Variants in BCL11A observed in about 807,000 individuals in gnomAD.
BCL11A encodes the protein BCL11 transcription factor A.
Under a neutral mutation model 55.9 loss-of-function variants are expected in BCL11A, and 2 were observed. That is an observed-to-expected ratio of 0.04 (90% CI 0.01 to 0.11). The LOEUF (loss-of-function observed/expected upper bound fraction) is 0.11. BCL11A is among the 10% of genes least tolerant of loss of function. BCL11A has a pLI of 1.00. For missense variants in BCL11A, 817 were observed against 1,137.1 expected (o/e 0.72, Z 4.05); for synonymous variants, 465 against 473.4 (o/e 0.98, Z 0.23).
At chr2:60,511,534 C>CT (rs1220286575) in intron 2 of BCL11A, among the ~76,000 whole-genome samples, 138 of 151,786 alleles carry the variant, frequency 9.1e-4, no homozygotes, top group African/African-American at 3.2e-3. Flanking sequence ...TCTGACAGTT[C>CT]TTTTTTTTTC....
chr2:60,454,143 C>A (rs141099419), downstream of BCL11A, among the ~76,000 whole-genome samples: 1 of 152,190 alleles, frequency 6.6e-6, no homozygotes, highest in East Asian at 1.9e-4. Context: ...AATGGGATAA[C>A]GAGATGCCAG....
intron 2 of BCL11A, among the ~76,000 whole-genome samples, chr2:60,513,672 C>T (rs939645331): frequency 5.9e-5 from 9 of 152,188 alleles, no homozygotes; most frequent in South Asian, 2.1e-4. Flanking sequence ...CCCAACAGCA[C>T]GGACTCATCC....
intron 2 of BCL11A, among the ~76,000 whole-genome samples, chr2:60,505,593 C>T (rs995529679): frequency 6.6e-6 from 1 of 152,202 alleles, no homozygotes; most frequent in Admixed American, 6.5e-5. Context: ...ATACCTCCTT[C>T]TCTTTCCTCC....
At chr2:60,502,695 A>G (rs1679357574) in intron 2 of BCL11A, among the ~76,000 whole-genome samples, 1 of 152,280 alleles carries the variant, frequency 6.6e-6, no homozygotes, top group Non-Finnish European at 1.5e-5. Context: ...TGATATGTTA[A>G]TAAAACTGTT....
chr2:60,533,795 A>T (rs527479190), intron 2 of BCL11A: 1 of 152,336 alleles, frequency 6.6e-6, no homozygotes, highest in South Asian at 2.1e-4. Flanking sequence ...AAGTTCATGC[A>T]CTTAATAATT....
At chr2:60,478,936 A>C (rs1409605563) in intron 2 of BCL11A, among the ~76,000 whole-genome samples, 1 of 149,626 alleles carries the variant, frequency 6.7e-6, no homozygotes, top group African/African-American at 2.4e-5. Context: ...AGAACAAAAC[A>C]CAGGCCTTGG....
chr2:60,477,354 A>G (rs1466811724), intron 2 of BCL11A, among the ~76,000 whole-genome samples: 1 of 152,192 alleles, frequency 6.6e-6, no homozygotes, highest in Non-Finnish European at 1.5e-5. Context: ...AAGCCTTTTT[A>G]TCTGCATCAA....
intron 2 of BCL11A, chr2:60,508,848 C>G (rs760362214): frequency 1.3e-5 from 2 of 152,258 alleles, no homozygotes; most frequent in Non-Finnish European, 2.9e-5. Context: ...AGAGTTTGTT[C>G]TACATGTGGC....
chr2:60,463,063 A>G (rs575074328), intron 3 of BCL11A, among the ~76,000 whole-genome samples: 1 of 152,248 alleles, frequency 6.6e-6, no homozygotes, highest in South Asian at 2.1e-4. Context: ...TTCCGTGGAA[A>G]AAAGACTAGC....
chr2:60,542,916 G>T (rs1669987257), intron 2 of BCL11A: 1 of 151,810 alleles, frequency 6.6e-6, no homozygotes, highest in South Asian at 2.1e-4. Context: ...TGTAATCCCA[G>T]CTACTTGGGA....
Position 60,462,197 on chromosome 2 carries a change from T to A in BCL11A, c.715A>T (p.Asn239Tyr). The part of the protein sequence containing the change: ...GIHIADNNPF[N>Y]LLRIPGSVSR... ...ACTGATCCTGGTATTCTTAGCAGGT[T>A]AAAGGGGTTATTGTCTGCAATATGA... Residue 239 changes from asparagine to tyrosine, a missense_variant, in exon 4 of 4, where the codon AAC becomes TAC. Around this residue, in one of 4 missense-constraint regions of BCL11A, gnomAD observed 363 missense variants for 486.6 expected, o/e 0.75. Coordinates refer to ENST00000642384, the MANE Select transcript of BCL11A (RefSeq NM_022893.4). 1 of 1,606,824 alleles carries A rather than the reference T, an allele frequency of 6.2e-7. No homozygotes were observed. The highest frequency in any genetic ancestry group is 8.5e-7 in the Non-Finnish European group (1 of 1,176,570).
At chr2:60,472,121 A>G (rs1170073427) in intron 2 of BCL11A, among the ~76,000 whole-genome samples, 1 of 152,208 alleles carries the variant, frequency 6.6e-6, no homozygotes, top group Non-Finnish European at 1.5e-5. Flanking sequence ...TCCCTCCATT[A>G]GGAAATTCAG....
chr2:60,541,539 C>T (rs1488782657), intron 2 of BCL11A, among the ~76,000 whole-genome samples: 1 of 152,202 alleles, frequency 6.6e-6, no homozygotes, highest in Admixed American at 6.5e-5. Flanking sequence ...TCCAAGCTGC[C>T]AGTTCACAAC....
chr2:60,514,251 G>C (rs547604727), intron 2 of BCL11A, among the ~76,000 whole-genome samples: 101 of 152,288 alleles, frequency 6.6e-4, no homozygotes, highest in African/African-American at 2.3e-3. Context: ...AACTGAACTA[G>C]AAGGCTAAGG....
chr2:60,550,812 A>G (rs1670379750), intron 1 of BCL11A: 6 of 398,860 alleles, frequency 1.5e-5, no homozygotes, highest in Non-Finnish European at 2.7e-5. Context: ...ATCCTTCCGA[A>G]GAAGGGCCTG....
chr2:60,496,152 G>A (rs997633657), intron 2 of BCL11A, among the ~76,000 whole-genome samples: 1 of 152,232 alleles, frequency 6.6e-6, no homozygotes, highest in Admixed American at 6.5e-5. Flanking sequence ...ACAGGGAATT[G>A]TTCATGAAAT....
At chr2:60,453,656 C>A (rs1419145522), downstream of BCL11A, among the ~76,000 whole-genome samples, 2 of 152,220 alleles carry the variant, frequency 1.3e-5, no homozygotes, top group Admixed American at 6.5e-5. Flanking sequence ...ATACCCCAAT[C>A]AAACCCTTTC....
chr2:60,501,807 T>A (rs1258903083), intron 2 of BCL11A, among the ~76,000 whole-genome samples: 4 of 152,292 alleles, frequency 2.6e-5, no homozygotes, highest in Admixed American at 6.5e-5. Flanking sequence ...CGCCCAGCCT[T>A]ACACTGCTTT....
At chr2:60,501,763 C>T (rs1445774125) in intron 2 of BCL11A, among the ~76,000 whole-genome samples, 2 of 152,100 alleles carry the variant, frequency 1.3e-5, no homozygotes, top group African/African-American at 2.4e-5. Flanking sequence ...ACCTCGGCCT[C>T]CCAAAGTGCT....
Sources: gnomAD v4.1 joint callset for allele counts (sites outside exome capture counted in the v4.1 genomes callset) on GRCh38, gnomAD v4.1.1 for gene constraint, gnomAD v4.1.1 regional missense constraint, MANE v1.5 for transcripts, NCBI Gene and HGNC (gene_info 2026-07-23, HGNC 2026-07-21) for gene names.